SV2C: variants seen among roughly 807,000 people sequenced by gnomAD.
SV2C encodes synaptic vesicle glycoprotein 2C, also known as solute carrier family 22 member B3.
Under a neutral mutation model 79.7 loss-of-function variants are expected in SV2C, and 49 were observed. That is an observed-to-expected ratio of 0.61 (90% CI 0.49 to 0.78). The LOEUF (loss-of-function observed/expected upper bound fraction) is 0.78, where lower values mean the gene tolerates loss of function less well. Ranked by LOEUF, SV2C falls within the 30% of genes least tolerant of loss-of-function variation. SV2C has a pLI of 0.00. For missense variants in SV2C, 833 were observed against 912.9 expected (o/e 0.91, Z 1.13); for synonymous variants, 334 against 333.2 (o/e 1.00, Z -0.03).
intron 3 of SV2C, among the ~76,000 whole-genome samples, chr5:76,202,780 T>A (rs1015292304): frequency 6.6e-6 from 1 of 152,164 alleles, no homozygotes; most frequent in East Asian, 1.9e-4. Context: ...ATGTGACTAG[T>A]CCAAGTTGAG....
intron 4 of SV2C, among the ~76,000 whole-genome samples, chr5:76,274,188 G>A (rs1286820606): frequency 6.6e-6 from 1 of 152,098 alleles, no homozygotes; most frequent in African/African-American, 2.4e-5. Context: ...CAGGGCCTGT[G>A]TCTCAAAAAA....
chr5:75,867,104 C>T, the SV2C span, among the ~76,000 whole-genome samples: 2 of 152,264 alleles, frequency 1.3e-5, no homozygotes, highest in African/African-American at 4.8e-5. Flanking sequence ...GATAGCTTCT[C>T]CACACCCCCA....
the SV2C span, among the ~76,000 whole-genome samples, chr5:75,916,328 C>T: frequency 3.0e-5 from 3 of 99,942 alleles, 1 homozygote; most frequent in Admixed American, 2.0e-4. Context: ...CTTCCTCCTC[C>T]TCTTCTTCCC....
chr5:76,139,728 AGAGT>A (rs1453801077), intron 2 of SV2C, among the ~76,000 whole-genome samples: 95 of 152,328 alleles, frequency 6.2e-4, no homozygotes, highest in African/African-American at 2.1e-3. Context: ...AATATTAGCT[AGAGT>A]CAATTGGTAT....
At chr5:75,938,356 C>T in the SV2C span, among the ~76,000 whole-genome samples, 15 of 152,160 alleles carry the variant, frequency 9.9e-5, no homozygotes, top group African/African-American at 3.6e-4. Context: ...CAAGAATGCT[C>T]ATAGTGGTGC....
At chr5:76,310,016 G>C (rs927397980) in intron 12 of SV2C, among the ~76,000 whole-genome samples, 1 of 151,798 alleles carries the variant, frequency 6.6e-6, no homozygotes, top group African/African-American at 2.4e-5. Flanking sequence ...AGATACCTGA[G>C]CTGGGGATAG....
the SV2C span, among the ~76,000 whole-genome samples, chr5:76,070,202 G>T: frequency 0.013 from 2,021 of 152,186 alleles, 48 homozygotes; most frequent in African/African-American, 0.047. Flanking sequence ...ACCCTCATCA[G>T]ATTTCCACTG....
At chr5:76,050,132 A>G in the SV2C span, among the ~76,000 whole-genome samples, 1 of 152,250 alleles carries the variant, frequency 6.6e-6, no homozygotes, top group African/African-American at 2.4e-5. Flanking sequence ...CCCAACACAT[A>G]GTAAGCATTT....
In SV2C at chr5:76,194,945, G is replaced by A. The variant is rs1357090246; in HGVS notation, c.607G>A (p.Val203Met). Residue 203 changes from valine (V) to methionine (M), a missense_variant, in exon 3 of 13, where the codon GTG becomes ATG. Physicochemically the swap from Val to Met is conservative, Grantham distance 21. Coordinates refer to ENST00000502798, the MANE Select transcript of SV2C (RefSeq NM_014979.4). ...CAGCATAGTGTACCTCGGGATGATG[G>A]TGGGGGCGTTCTTCTGGGGAGGACT... The part of the protein sequence containing the change: ...LGSIVYLGMM[V>M]GAFFWGGLAD... 28 of 1,614,036 alleles carry A rather than the reference G, an allele frequency of 1.7e-5. No homozygotes were observed. Among genetic ancestry groups the A allele is most frequent in the Non-Finnish European group, 2.2e-5 (26 of 1,179,952 alleles).
chr5:76,151,079 A>G (rs1008222435), intron 2 of SV2C, among the ~76,000 whole-genome samples: 8 of 152,238 alleles, frequency 5.3e-5, no homozygotes, highest in Non-Finnish European at 7.3e-5. Flanking sequence ...TGAGAGATTC[A>G]TTCTGTTTGA....
rs375351450 is a variant in SV2C at position 76,130,145 on chromosome 5, T to TAAAAAAAAAAAAAAAAA, written c.-101-1486_-101-1470dup. Among the ~76,000 whole-genome samples the TAAAAAAAAAAAAAAAAA allele has an allele frequency of 2.9e-5, 2 of 67,832 alleles. 1 individual carries two copies. Among genetic ancestry groups the TAAAAAAAAAAAAAAAAA allele is most frequent in the African/African-American group, 1.7e-4 (2 of 11,430 alleles). The allele number at this position is 67,832 out of a possible 152,430, so 44.5% of individuals were successfully genotyped here. On this transcript the variant is annotated intron_variant, in intron 1 of 12. Coordinates refer to ENST00000502798, the MANE Select transcript of SV2C (RefSeq NM_014979.4). ...CTCCCTTTCTCTTCCTCTCAGTTCT[T>TAAAAAAAAAAAAAAAAA]AAAAAAAAAAAAAAAAAAAAAAAAA...
intron 3 of SV2C, among the ~76,000 whole-genome samples, chr5:76,203,962 T>G (rs1044445584): frequency 6.6e-6 from 1 of 152,234 alleles, no homozygotes; most frequent in African/African-American, 2.4e-5. Context: ...ATTTCTATCT[T>G]TATCACTGAT....
chr5:76,180,953 TG>T (rs1403220075), intron 2 of SV2C, among the ~76,000 whole-genome samples: 1 of 152,216 alleles, frequency 6.6e-6, no homozygotes, highest in Non-Finnish European at 1.5e-5. Context: ...CCTTTGAGCC[TG>T]GGTCATATCC....
chr5:75,955,490 G>C, the SV2C span, among the ~76,000 whole-genome samples: 1 of 150,300 alleles, frequency 6.7e-6, no homozygotes, highest in Admixed American at 6.6e-5. Context: ...CATGGGCAAG[G>C]ACTTCATGTC....
chr5:76,131,222 ATTC>A (rs1028152652), intron 1 of SV2C, among the ~76,000 whole-genome samples: 2 of 152,154 alleles, frequency 1.3e-5, no homozygotes, highest in African/African-American at 4.8e-5. Flanking sequence ...GCCCAGTAGG[ATTC>A]TTCTAATACT....
the SV2C span, among the ~76,000 whole-genome samples, chr5:75,998,349 A>AT: frequency 4.4e-5 from 2 of 45,636 alleles, no homozygotes; most frequent in African/African-American, 1.4e-4. Context: ...GATAATAATA[A>AT]AAAAAAAGTC....
At chr5:76,032,958 A>C in the SV2C span, among the ~76,000 whole-genome samples, 42 of 152,182 alleles carry the variant, frequency 2.8e-4, no homozygotes, top group Non-Finnish European at 5.1e-4. Flanking sequence ...TTGAGATGGT[A>C]TCCCATTGTG....
chr5:75,940,214 A>T, the SV2C span, among the ~76,000 whole-genome samples: 24 of 152,234 alleles, frequency 1.6e-4, no homozygotes, highest in Admixed American at 1.2e-3. Flanking sequence ...AAATACAAAA[A>T]TTAGCCAGGC....
At chr5:76,343,027 A>T (rs1460839873) in intron 12 of SV2C, among the ~76,000 whole-genome samples, 3 of 151,960 alleles carry the variant, frequency 2.0e-5, no homozygotes, top group African/African-American at 7.2e-5. Flanking sequence ...CCTGGCCCAC[A>T]TTCTCTTAAT....
Sources: gnomAD v4.1 joint callset for allele counts (sites outside exome capture counted in the v4.1 genomes callset) on GRCh38, gnomAD v4.1.1 for gene constraint, MANE v1.5 for transcripts, NCBI Gene and HGNC (gene_info 2026-07-23, HGNC 2026-07-21) for gene names.